The following AMTN variants were observed in gnomAD, a reference collection of about 807,000 sequenced individuals.
The protein encoded by AMTN is RSTI689.
Under a neutral mutation model 27.4 loss-of-function variants are expected in AMTN, and 29 were observed. The ratio of observed to expected loss-of-function variants is 1.06; its 90% CI spans 0.79 to 1.44. The LOEUF (loss-of-function observed/expected upper bound fraction) is 1.44, where lower values mean the gene tolerates loss of function less well. Among genes scored for constraint, AMTN ranks in the 40% most tolerant of loss-of-function variants. The probability of loss-of-function intolerance (pLI) is 0.00; values close to 1 mark genes in which losing one functional copy is unlikely to be tolerated. For synonymous variants in AMTN, 86 were observed against 95.7 expected, an observed-to-expected ratio of 0.90 and a Z score of 0.59; for missense variants, 247 against 248.8, an observed-to-expected ratio of 0.99 and a Z score of 0.05.
At chr4:70,528,405 C>T (rs1736144493) in intron 5 of AMTN, among the ~76,000 whole-genome samples, 1 of 152,134 alleles carries the variant, frequency 6.6e-6, no homozygotes, top group African/African-American at 2.4e-5. Context: ...AATCCAAGAG[C>T]TTTGGAAGGC....
rs1335272912 is a variant in AMTN, at chr4:70,531,240, C to T, written c.559C>T (p.Pro187Ser). Residue 187 changes from proline (P) to serine (S), a missense_variant, in exon 8 of 9, where the codon CCT (proline) becomes TCT (serine). Pro to Ser is a moderately conservative substitution (Grantham distance 74). Coordinates refer to ENST00000339336, the MANE Select transcript of AMTN (RefSeq NM_212557.4). ...AGATGACGACTTTGCAGTGACCACC[C>T]CTGCAGGCATCCAAAGGAGCACACA... is the stretch of plus-strand genomic sequence containing the variant. ...GTDDDFAVTT[P>S]AGIQRSTHAI... is the part of the protein sequence containing the mutation. 6.2e-7 allele frequency: 1 copy of T among 1,614,060 alleles called. No individual in the cohort carries two copies. Among genetic ancestry groups the T allele is most frequent in the Non-Finnish European group, 8.5e-7 (1 of 1,179,976 alleles).
Position 70,518,849 on chromosome 4 carries a change from G to C in AMTN, c.54+18G>C, listed in dbSNP as rs767410821. The stretch of plus-strand genomic sequence containing the variant: ...CATTACCAGTAAGTATGTTATGTTT[G>C]TTTTATATGCCAGCCAGTTTCAACA... On this transcript the variant is annotated intron_variant, in intron 2 of 8. Transcript: ENST00000339336. The C allele has an allele frequency of 6.2e-7, 1 of 1,600,652 alleles. No individual in the cohort carries two copies. Among genetic ancestry groups the C allele is most frequent in the Non-Finnish European group, 8.6e-7 (1 of 1,167,844 alleles).
intron 7 of AMTN, among the ~76,000 whole-genome samples, chr4:70,530,534 G>T (rs183600138): frequency 2.0e-5 from 3 of 152,166 alleles, no homozygotes; most frequent in African/African-American, 7.2e-5. Context: ...GCTAGGTCCT[G>T]CTCCAGACCT....
intron 6 of AMTN, 120 bp downstream of exon 6, chr4:70,528,878 C>G: frequency 1.2e-6 from 1 of 806,712 alleles, no homozygotes; most frequent in Non-Finnish European, 1.9e-6. Context: ...TGTATGGACA[C>G]TGATAATCAC....
rs1409143529 is a variant in AMTN, at chr4:70,524,524, T to C, written c.205-348T>C. The stretch of plus-strand genomic sequence containing the variant: ...TAACCTAGAGGAGTTAATTTCTTAA[T>C]TGTAAAAAAGCTATCAGAAAATTTT... On this transcript the variant is annotated intron_variant, in intron 4 of 8. Transcript: ENST00000339336. Among the ~76,000 whole-genome samples the C allele has an allele frequency of 2.0e-5, 3 of 152,166 alleles. No individual in the cohort carries two copies. The East Asian group carries it at 5.8e-4, about 29-fold the overall frequency.
rs1302909981 is a variant in AMTN at position 70,523,881 on chromosome 4, T to G, written c.152T>G (p.Leu51Ter). ...AATCCCCTGCAGGTCTTTCCTTCTT[T>G]AAGTCTGATACCATTAACACAGATG... is the stretch of plus-strand genomic sequence containing the variant. ...QQQSNQVFPSLSLIPLTQMLT... is the reference protein window; with the variant it reads ...QQQSNQVFPS Residue 51 changes from leucine to a stop codon, truncating the protein, a stop_gained, in exon 4 of 9, where the codon TTA becomes TGA. Transcript: ENST00000339336. LOFTEE classifies it high-confidence loss of function. 1 of 1,613,720 alleles carries G rather than the reference T, an allele frequency of 6.2e-7. No individual in the cohort carries two copies. Among genetic ancestry groups the G allele is most frequent in the Middle Eastern group, 1.7e-4 (1 of 6,056 alleles).
intron 8 of AMTN, among the ~76,000 whole-genome samples, chr4:70,531,753 G>A (rs576805188): frequency 2.5e-4 from 38 of 152,098 alleles, no homozygotes; most frequent in Non-Finnish European, 4.1e-4. Flanking sequence ...CTCAAGTGAT[G>A]CACCCACCTC....
intron 7 of AMTN, among the ~76,000 whole-genome samples, chr4:70,529,614 A>G (rs1471141263): frequency 1.3e-5 from 2 of 152,196 alleles, no homozygotes; most frequent in Admixed American, 6.5e-5. Flanking sequence ...ATGGAAAAAT[A>G]TATCTTTTTC....
chr4:70,520,704 G>C (rs1159272855), intron 2 of AMTN, among the ~76,000 whole-genome samples: 1 of 152,170 alleles, frequency 6.6e-6, no homozygotes, highest in Non-Finnish European at 1.5e-5. Flanking sequence ...CACATGACAG[G>C]TTAGGAGATA....
chr4:70,523,665 G>A (rs533027453), intron 3 of AMTN, among the ~76,000 whole-genome samples: 51 of 152,290 alleles, frequency 3.3e-4, no homozygotes, highest in African/African-American at 1.2e-3. Context: ...GATAAGTACC[G>A]TAAGCTTGAG....
chr4:70,529,784 A>G (rs552795667), intron 7 of AMTN, among the ~76,000 whole-genome samples: 1 of 152,286 alleles, frequency 6.6e-6, no homozygotes, highest in Non-Finnish European at 1.5e-5. Flanking sequence ...ATATCTAAAC[A>G]TGACAACAGT....
chr4:70,529,314 A>T (rs982840811), intron 7 of AMTN, 104 bp downstream of exon 7: 8 of 711,668 alleles, frequency 1.1e-5, no homozygotes, highest in Admixed American at 3.9e-5. Context: ...TATGGTATGT[A>T]CTACAATGAA....
In AMTN at chr4:70,531,066, C is replaced by T. The variant is rs148416277; in HGVS notation, c.385C>T (p.His129Tyr). 1.1e-4 allele frequency: 178 copies of T among 1,614,030 alleles called. No homozygotes were observed. Among genetic ancestry groups the T allele is most frequent in the African/African-American group, 9.2e-4 (69 of 75,030 alleles). The stretch of plus-strand genomic sequence containing the variant: ...ACAAATCTTCACGAGCCTCATCATC[C>T]ATTCCTTGTTCCCGGGAGGCATCCT... ...LPQIFTSLII[H>Y]SLFPGGILPT... The change falls in exon 8 of 9, where the codon CAT becomes TAT. Residue 129 changes from histidine to tyrosine, a missense_variant. Physicochemically the swap from His to Tyr is moderately conservative, Grantham distance 83. Coordinates refer to ENST00000339336, the MANE Select transcript of AMTN (RefSeq NM_212557.4).
At chr4:70,530,019 A>C (rs1400964879) in intron 7 of AMTN, among the ~76,000 whole-genome samples, 1 of 152,186 alleles carries the variant, frequency 6.6e-6, no homozygotes, top group East Asian at 1.9e-4. Flanking sequence ...CCTTCCCCAA[A>C]GCACAAAGCA....
chr4:70,522,684 C>A (rs1294436108), intron 2 of AMTN, 71 bp from the exon 3 acceptor site: 1 of 1,463,818 alleles, frequency 6.8e-7, no homozygotes, highest in Non-Finnish European at 9.6e-7. Flanking sequence ...TGGTGGCAAC[C>A]TGGATATAAA....
chr4:70,522,165 C>T (rs1735988185), intron 2 of AMTN, among the ~76,000 whole-genome samples: 1 of 151,904 alleles, frequency 6.6e-6, no homozygotes, highest in Non-Finnish European at 1.5e-5. Flanking sequence ...TCACCTTGGG[C>T]AAGTTACTGT....
chr4:70,519,085 G>T (rs1003355725), intron 2 of AMTN, among the ~76,000 whole-genome samples: 1 of 152,172 alleles, frequency 6.6e-6, no homozygotes, highest in African/African-American at 2.4e-5. Context: ...AGAGCAATAG[G>T]CTAGAAATTA....
intron 6 of AMTN, 27 bp downstream of exon 6, chr4:70,528,785 GA>G: frequency 6.4e-7 from 1 of 1,560,234 alleles, no homozygotes; most frequent in South Asian, 1.2e-5. Context: ...ATATTGTCTT[GA>G]TTTTAAATCA....
At chr4:70,520,065 T>G (rs1735919026) in intron 2 of AMTN, among the ~76,000 whole-genome samples, 1 of 80,880 alleles carries the variant, frequency 1.2e-5, no homozygotes, top group Non-Finnish European at 2.7e-5. Context: ...GACCGAAAGA[T>G]TCTTCAAAAT....
Sources: allele counts gnomAD v4.1 joint callset (sites outside exome capture counted in the v4.1 genomes callset), GRCh38; gene constraint gnomAD v4.1.1; transcripts MANE v1.5; gene names NCBI Gene and HGNC (gene_info 2026-07-23, HGNC 2026-07-21).